Variants in SLC44A5 observed in about 807,000 individuals in gnomAD.
SLC44A5 encodes solute carrier family 44 member 5, also known as choline transporter-like protein 5.
SLC44A5 carries 57 observed loss-of-function variants against 101.8 expected under a neutral mutation model. That is an observed-to-expected ratio of 0.56 (90% CI 0.45 to 0.70). The LOEUF (loss-of-function observed/expected upper bound fraction) is 0.70. Ranked by LOEUF, SLC44A5 falls within the 30% of genes least tolerant of loss-of-function variation. The probability of loss-of-function intolerance (pLI) is 0.00; values close to 1 mark genes in which losing one functional copy is unlikely to be tolerated. For synonymous variants in SLC44A5, 281 were observed against 290.9 expected, an observed-to-expected ratio of 0.97 and a Z score of 0.35; for missense variants, 737 against 853.1, an observed-to-expected ratio of 0.86 and a Z score of 1.70.
At chr1:75,682,012 A>C in the SLC44A5 span, among the ~76,000 whole-genome samples, 1 of 152,210 alleles carries the variant, frequency 6.6e-6, no homozygotes, top group African/African-American at 2.4e-5. Context: ...TAATTGCTTC[A>C]AAGAGAATAA....
intron 1 of SLC44A5, among the ~76,000 whole-genome samples, chr1:75,608,817 A>G (rs1362045204): frequency 6.6e-6 from 1 of 151,786 alleles, no homozygotes; most frequent in East Asian, 1.9e-4. Flanking sequence ...GTCCTACCCT[A>G]ACCACCCTAT....
At chr1:75,373,635 C>T (rs1249807) in intron 3 of SLC44A5, among the ~76,000 whole-genome samples, 40,076 of 152,002 alleles carry the variant, frequency 0.26, 5,772 homozygotes, top group African/African-American at 0.37. Flanking sequence ...AGCAAGGCTG[C>T]CTTTCCTGCA....
intron 2 of SLC44A5, among the ~76,000 whole-genome samples, chr1:75,470,469 G>A (rs1335663401): frequency 6.6e-6 from 1 of 152,164 alleles, no homozygotes; most frequent in Non-Finnish European, 1.5e-5. Flanking sequence ...AGAATTTATA[G>A]TCTAGTGAGG....
chr1:75,347,300 C>A (rs1467017087), intron 3 of SLC44A5, among the ~76,000 whole-genome samples: 1 of 152,104 alleles, frequency 6.6e-6, no homozygotes, highest in African/African-American at 2.4e-5. Flanking sequence ...TGCCACAACT[C>A]AAGAAGATAG....
chr1:75,248,897 G>A (rs911393536), intron 7 of SLC44A5, among the ~76,000 whole-genome samples: 3 of 152,106 alleles, frequency 2.0e-5, no homozygotes, highest in African/African-American at 7.2e-5. Flanking sequence ...TTCACTGAGA[G>A]ACTGTGGAAT....
chr1:75,285,887 A>G (rs548905214), intron 5 of SLC44A5, among the ~76,000 whole-genome samples: 2 of 152,162 alleles, frequency 1.3e-5, no homozygotes, highest in African/African-American at 2.4e-5. Flanking sequence ...TTTGTGGCCT[A>G]TCGTATGGTC....
the SLC44A5 span, among the ~76,000 whole-genome samples, chr1:75,664,295 C>T: frequency 5.2e-4 from 79 of 152,140 alleles, no homozygotes; most frequent in African/African-American, 1.9e-3. Context: ...CAACATAGTA[C>T]TGGAATACTT....
chr1:75,646,098 T>C, the SLC44A5 span, among the ~76,000 whole-genome samples: 7 of 135,278 alleles, frequency 5.2e-5, 2 homozygotes, highest in Admixed American at 1.5e-4. Context: ...TGGCTTAGGA[T>C]TGACTTGGCA....
chr1:75,321,846 G>C (rs980738723), intron 4 of SLC44A5, among the ~76,000 whole-genome samples: 1 of 152,064 alleles, frequency 6.6e-6, no homozygotes, highest in Admixed American at 6.5e-5. Context: ...GTCATTACTA[G>C]GTTTCTTAGT....
At chr1:75,534,622 C>G (rs1419951757) in intron 2 of SLC44A5, among the ~76,000 whole-genome samples, 1 of 152,158 alleles carries the variant, frequency 6.6e-6, no homozygotes, top group African/African-American at 2.4e-5. Context: ...ATAGACAAAA[C>G]AGATTATTCT....
intron 3 of SLC44A5, among the ~76,000 whole-genome samples, chr1:75,367,795 T>C (rs1281425317): frequency 1.3e-5 from 2 of 152,170 alleles, no homozygotes; most frequent in African/African-American, 4.8e-5. Flanking sequence ...AAAACAGCTG[T>C]CATCAGTCTT....
upstream of SLC44A5, chr1:75,611,170 T>C (rs1675639804): frequency 4.9e-6 from 4 of 818,484 alleles, no homozygotes; most frequent in Non-Finnish European, 5.9e-6. Flanking sequence ...CTAAGGGCCA[T>C]ACCCCATTCT....
At chr1:75,403,723 A>T (rs1662661148) in intron 2 of SLC44A5, among the ~76,000 whole-genome samples, 1 of 152,152 alleles carries the variant, frequency 6.6e-6, no homozygotes, top group Non-Finnish European at 1.5e-5. Context: ...AAGATACATA[A>T]ATCCACAAAG....
chr1:75,554,679 G>C (rs1277907969), intron 1 of SLC44A5, among the ~76,000 whole-genome samples: 2 of 152,018 alleles, frequency 1.3e-5, no homozygotes, highest in Non-Finnish European at 2.9e-5. Flanking sequence ...TAATGGATTT[G>C]ATAAGCCATG....
At chr1:75,568,597 C>T (rs1672909062) in intron 1 of SLC44A5, among the ~76,000 whole-genome samples, 1 of 152,076 alleles carries the variant, frequency 6.6e-6, no homozygotes, top group Admixed American at 6.6e-5. Context: ...ATTTTCCATA[C>T]CTCTATCTGT....
chr1:75,615,913 C>G (rs982191845), upstream of SLC44A5: 1 of 985,404 alleles, frequency 1.0e-6, no homozygotes, highest in Non-Finnish European at 1.2e-6. Context: ...TCCCCCGGAC[C>G]CCCCACGCGC....
intron 3 of SLC44A5, among the ~76,000 whole-genome samples, chr1:75,346,371 C>T (rs1476814345): frequency 6.6e-6 from 1 of 152,060 alleles, no homozygotes; most frequent in Non-Finnish European, 1.5e-5. Context: ...TCTATATGAA[C>T]ACAAATCATA....
the SLC44A5 span, among the ~76,000 whole-genome samples, chr1:75,698,853 A>C: frequency 6.6e-6 from 1 of 152,264 alleles, no homozygotes; most frequent in African/African-American, 2.4e-5. Context: ...CTACGTGAAG[A>C]ATGCAGAAGC....
At chr1:75,566,199 A>G (rs1672776294) in intron 1 of SLC44A5, among the ~76,000 whole-genome samples, 1 of 152,246 alleles carries the variant, frequency 6.6e-6, no homozygotes, top group South Asian at 2.1e-4. Flanking sequence ...AAAATTAAAA[A>G]GAAGACAAAT....
Sources: allele counts gnomAD v4.1 joint callset (sites outside exome capture counted in the v4.1 genomes callset), GRCh38; gene constraint gnomAD v4.1.1; transcripts MANE v1.5; gene names NCBI Gene and HGNC (gene_info 2026-07-23, HGNC 2026-07-21).